HMOX2: variants seen among roughly 807,000 people sequenced by gnomAD.
HMOX2 encodes the protein heme oxygenase (decycling) 2.
HMOX2 carries 30 observed loss-of-function variants against 33.7 expected under a neutral mutation model. The ratio of observed to expected loss-of-function variants is 0.89; its 90% CI spans 0.67 to 1.21. The LOEUF is 1.21. HMOX2 is among the 50% of genes most tolerant of loss of function. The pLI, the probability that HMOX2 is intolerant of heterozygous loss-of-function variation, is 0.00. For synonymous variants in HMOX2, 155 were observed against 155.0 expected, an observed-to-expected ratio of 1.00 and a Z score of 0.00; for missense variants, 403 against 399.1, an observed-to-expected ratio of 1.01 and a Z score of -0.08.
At position 4,505,562 on chromosome 16, in the gene HMOX2, A is replaced by G. The variant is rs2141602855; in HGVS notation, c.38A>G (p.Glu13Gly). The G allele has an allele frequency of 1.2e-6, 2 of 1,606,560 alleles. No homozygotes were observed. Among genetic ancestry groups the G allele is most frequent in the Middle Eastern group, 1.7e-4 (1 of 6,056 alleles). Residue 13 changes from glutamate (E) to glycine (G), a missense_variant, in exon 2 of 6, where the codon GAG becomes GGG. Glu to Gly is a moderately conservative substitution (Grantham distance 98, BLOSUM62 -2). Transcript: ENST00000570646. ...AEVETSEGVD[E>G]SEKKNSGALE... The stretch of plus-strand genomic sequence containing the variant: ...GTGGAAACCTCAGAGGGGGTAGACG[A>G]GTCAGAAAAAAAGAACTCTGGGGCC...
At chr16:4,484,237 G>A (rs1398359759) in intron 1 of HMOX2, among the ~76,000 whole-genome samples, 1 of 152,084 alleles carries the variant, frequency 6.6e-6, no homozygotes, top group African/African-American at 2.4e-5. Context: ...GCCTCCCAAA[G>A]TGCTGGGATT....
Position 4,505,603 on chromosome 16 carries a change from C to A in HMOX2, c.79C>A (p.Gln27Lys). ...KNSGALEKEN[Q>K]MRMADLSELL... Reference sequence around the variant, plus strand: ...CTCTGGGGCCCTAGAAAAGGAGAACCAAATGAGGTGAGCGATGGGGGCTGG... The same window carrying A: ...CTCTGGGGCCCTAGAAAAGGAGAACAAAATGAGGTGAGCGATGGGGGCTGG... Residue 27 changes from glutamine (Q) to lysine (K), a missense_variant, in exon 2 of 6, where the codon CAA (glutamine) becomes AAA (lysine). Gln to Lys is a moderately conservative substitution (Grantham distance 53, BLOSUM62 1). Transcript: ENST00000570646. The A allele has an allele frequency of 6.3e-7, 1 of 1,593,038 alleles. No individual in the cohort carries two copies. The highest frequency in any genetic ancestry group is 2.3e-5 in the East Asian group (1 of 43,690).
intron 1 of HMOX2, among the ~76,000 whole-genome samples, chr16:4,479,726 A>ATTTTTTTT (rs58936845): frequency 1.5e-4 from 12 of 79,850 alleles, no homozygotes; most frequent in African/African-American, 3.6e-4. Context: ...TTCTTATTCT[A>ATTTTTTTT]TTTTTTTTTT....
chr16:4,476,709 CA>C (rs1189782944), intron 1 of HMOX2: 4 of 152,360 alleles, frequency 2.6e-5, no homozygotes, highest in African/African-American at 9.6e-5. Context: ...GAGGGGCTGT[CA>C]GGGGAGGGCG....
At chr16:4,482,964 A>G (rs2058067912) in intron 1 of HMOX2, among the ~76,000 whole-genome samples, 1 of 152,098 alleles carries the variant, frequency 6.6e-6, no homozygotes, top group African/African-American at 2.4e-5. Context: ...CTGGGGGCAG[A>G]TGTTGCAGTG....
At chr16:4,480,123 C>T (rs2057980554) in intron 1 of HMOX2, among the ~76,000 whole-genome samples, 1 of 152,004 alleles carries the variant, frequency 6.6e-6, no homozygotes, top group Non-Finnish European at 1.5e-5. Context: ...TCTGAGCTCA[C>T]TGCAATCTCT....
intron 1 of HMOX2, 80 bp from the exon 2 acceptor site, chr16:4,505,404 C>A: frequency 1.5e-6 from 1 of 654,872 alleles, no homozygotes; most frequent in South Asian, 2.0e-5. Flanking sequence ...TACATTCGCT[C>A]TGAGGAAAGC....
At chr16:4,480,123 C>G (rs2057980554) in intron 1 of HMOX2, among the ~76,000 whole-genome samples, 1 of 152,004 alleles carries the variant, frequency 6.6e-6, no homozygotes, top group Non-Finnish European at 1.5e-5. Context: ...TCTGAGCTCA[C>G]TGCAATCTCT....
At chr16:4,482,327 TG>T (rs1170556632) in intron 1 of HMOX2, among the ~76,000 whole-genome samples, 1 of 152,164 alleles carries the variant, frequency 6.6e-6, no homozygotes, top group Non-Finnish European at 1.5e-5. Flanking sequence ...GTGGCTCTTC[TG>T]GTTATTTGAG....
chr16:4,484,990 G>T (rs1567382517), intron 1 of HMOX2, among the ~76,000 whole-genome samples: 1 of 151,676 alleles, frequency 6.6e-6, no homozygotes, highest in Non-Finnish European at 1.5e-5. Flanking sequence ...GATTGAGACG[G>T]CATCTCACTC....
At position 4,505,619 on chromosome 16, in the gene HMOX2, T is replaced by TG. The variant is rs2058671388; in HGVS notation, c.86+14dup. The TG allele has an allele frequency of 6.4e-7, 1 of 1,573,902 alleles. No individual in the cohort carries two copies. The highest frequency in any genetic ancestry group is 1.1e-5 in the South Asian group (1 of 87,308). On this transcript the variant is annotated intron_variant, in intron 2 of 5. Coordinates refer to ENST00000570646, the MANE Select transcript of HMOX2 (RefSeq NM_002134.4). ...AAGGAGAACCAAATGAGGTGAGCGA[T>TG]GGGGGCTGGCTGCACTGAATCAGGT...
chr16:4,508,291 A>G (rs2058746924), intron 4 of HMOX2, 87 bp downstream of exon 4: 2 of 1,428,196 alleles, frequency 1.4e-6, no homozygotes, highest in Non-Finnish European at 1.9e-6. Context: ...GAAGGCACAC[A>G]TGGCATTAGG....
chr16:4,482,987 G>A (rs770923589), intron 1 of HMOX2, among the ~76,000 whole-genome samples: 2 of 151,854 alleles, frequency 1.3e-5, no homozygotes, highest in African/African-American at 2.4e-5. Flanking sequence ...ATGAGATCAC[G>A]CCACCGCACT....
Position 4,509,968 on chromosome 16 carries a change from G to C in HMOX2, c.*212G>C. ...CACTGGGCACAGGCCGTCACCCTGG[G>C]AGCAGTCGGCACAGTGCAGCAAGCC... On this transcript the variant is annotated 3_prime_UTR_variant, in exon 6 of 6. Coordinates refer to ENST00000570646, the MANE Select transcript of HMOX2 (RefSeq NM_002134.4). The C allele has an allele frequency of 1.7e-6, 1 of 605,064 alleles. No individual in the cohort carries two copies. 37.5% of individuals were successfully genotyped at this position (605,064 alleles called of 1,614,324 possible).
chr16:4,484,530 G>A (rs958821943), intron 1 of HMOX2, among the ~76,000 whole-genome samples: 5 of 143,346 alleles, frequency 3.5e-5, no homozygotes, highest in East Asian at 2.0e-4. Context: ...GTACGATTTC[G>A]GCTCACTGCA....
chr16:4,504,598 G>C (rs1487535057), intron 1 of HMOX2, among the ~76,000 whole-genome samples: 1 of 150,678 alleles, frequency 6.6e-6, no homozygotes, highest in African/African-American at 2.4e-5. Flanking sequence ...AACCTCAGGT[G>C]ATCCACCCAC....
intron 1 of HMOX2, among the ~76,000 whole-genome samples, chr16:4,494,507 C>T (rs949683854): frequency 6.6e-6 from 1 of 151,990 alleles, no homozygotes; most frequent in Non-Finnish European, 1.5e-5. Context: ...AGATTTTCTG[C>T]TCTTTAAGTG....
intron 1 of HMOX2, among the ~76,000 whole-genome samples, chr16:4,479,155 G>GA (rs1400857601): frequency 6.6e-6 from 1 of 151,228 alleles, no homozygotes; most frequent in Non-Finnish European, 1.5e-5. Context: ...TCATCTCAAA[G>GA]AAAAAAAAAT....
At chr16:4,479,167 C>T (rs1190057025) in intron 1 of HMOX2, among the ~76,000 whole-genome samples, 1 of 152,010 alleles carries the variant, frequency 6.6e-6, no homozygotes, top group South Asian at 2.1e-4. Context: ...AAAAAAAATT[C>T]TATCAGAGTG....
Sources: allele counts gnomAD v4.1 joint callset (sites outside exome capture counted in the v4.1 genomes callset), GRCh38; gene constraint gnomAD v4.1.1; transcripts MANE v1.5; gene names NCBI Gene and HGNC (gene_info 2026-07-23, HGNC 2026-07-21).